CNOT1: variants seen among roughly 807,000 people sequenced by gnomAD.
The protein encoded by CNOT1 is CCR4-NOT transcription complex subunit 1, also known as CCR4-associated factor 1.
A neutral mutation model predicts 273.8 loss-of-function variants in CNOT1; 15 were observed. The observed-to-expected ratio is 0.05, with a 90% CI of 0.04 to 0.08. The LOEUF is 0.08. Ranked by LOEUF, CNOT1 falls within the 10% of genes least tolerant of loss-of-function variation. CNOT1 has a pLI of 1.00. For missense variants in CNOT1, 1,644 were observed against 2,912.2 expected (o/e 0.56, Z 10.02); for synonymous variants, 1,022 against 1,005.5 (o/e 1.02, Z -0.31).
chr16:58,580,907 A>T, intron 11 of CNOT1, 147 bp from the exon 12 acceptor site: 1 of 815,204 alleles, frequency 1.2e-6, no homozygotes, highest in Non-Finnish European at 1.8e-6. Context: ...TTTGAAAACC[A>T]CACATAATTC....
At chr16:58,599,139 T>A in intron 2 of CNOT1, 97 bp downstream of exon 2, 1 of 1,532,094 alleles carries the variant, frequency 6.5e-7, no homozygotes, top group Non-Finnish European at 8.9e-7. Context: ...CAAAAGTTAG[T>A]TACCTTTCAT....
rs1032826967 is a variant in CNOT1 at position 58,547,368 on chromosome 16, G to A, written c.3640-72C>T. 2 of 1,585,280 alleles carry A rather than the reference G, an allele frequency of 1.3e-6. No individual in the cohort carries two copies. Among genetic ancestry groups the A allele is most frequent in the Non-Finnish European group, 8.6e-7 (1 of 1,165,118 alleles). On this transcript the variant is annotated intron_variant, in intron 26 of 48. Coordinates refer to ENST00000317147, the MANE Select transcript of CNOT1 (RefSeq NM_016284.5). This position sits in a 1 kb window ranked among gnomAD's most constrained non-coding sequence, Gnocchi z 4.0. Reference sequence around the variant, plus strand: ...AATGGTATAACAAAACCAAAGAAAAGTATTTTGCCAAGCTTATCCCCAAAA... The same window carrying A: ...AATGGTATAACAAAACCAAAGAAAAATATTTTGCCAAGCTTATCCCCAAAA...
At chr16:58,602,216 G>A (rs2042491775) in intron 1 of CNOT1, among the ~76,000 whole-genome samples, 1 of 151,962 alleles carries the variant, frequency 6.6e-6, no homozygotes, top group South Asian at 2.1e-4. Flanking sequence ...TTACTGGCAT[G>A]TGCCACCACG....
chr16:58,587,768 A>G lies in CNOT1; in HGVS notation c.309+12T>C. The G allele has an allele frequency of 6.2e-7, 1 of 1,612,718 alleles. No homozygotes were observed. The highest frequency in any genetic ancestry group is 1.1e-5 in the South Asian group (1 of 90,860). The stretch of plus-strand genomic sequence containing the variant: ...GAGAGATCACACTCTTAAAGATAAT[A>G]GTAATACCAACCTTCTGATAGTGCA... On this transcript the variant is annotated intron_variant, in intron 4 of 48. Coordinates refer to ENST00000317147, the MANE Select transcript of CNOT1 (RefSeq NM_016284.5).
At chr16:58,602,951 A>AT (rs2042527723) in intron 1 of CNOT1, among the ~76,000 whole-genome samples, 1 of 152,070 alleles carries the variant, frequency 6.6e-6, no homozygotes, top group Non-Finnish European at 1.5e-5. Context: ...AGCACTCCCC[A>AT]TCTCAGTTGA....
chr16:58,562,779 C>T (rs1375692348), intron 16 of CNOT1, among the ~76,000 whole-genome samples: 3 of 152,002 alleles, frequency 2.0e-5, no homozygotes, highest in Non-Finnish European at 2.9e-5. Flanking sequence ...CCTGAGATCG[C>T]GCCACTGCAC....
At chr16:58,611,154 T>C (rs8043716) in intron 1 of CNOT1, among the ~76,000 whole-genome samples, 114,383 of 152,026 alleles carry the variant, frequency 0.75, 43,454 homozygotes, top group Middle Eastern at 0.86. Context: ...TCAGGCTGAG[T>C]GCGGTGGCTC....
At position 58,588,896 on chromosome 16, in the gene CNOT1, C is replaced by T. The variant is rs768837822; in HGVS notation, c.113G>A (p.Arg38Gln). The T allele has an allele frequency of 6.8e-6, 11 of 1,611,260 alleles. No homozygotes were observed. The highest frequency in any genetic ancestry group is 5.0e-5 in the Admixed American group (3 of 59,674). The change falls in exon 3 of 49, where the codon CGG becomes CAG. Residue 38 changes from arginine to glutamine, a missense_variant. Transcript: ENST00000317147. ...ATGCCTGTCTGCCTCAGGACCGTGC[C>T]GATTCACAATCTAAAATGACCAAAA... Reference protein sequence around the residue: ...SQQEIQHIVNRHGPEADRHLL... With the variant: ...SQQEIQHIVNQHGPEADRHLL...
chr16:58,612,554 T>C (rs1278557884), intron 1 of CNOT1, among the ~76,000 whole-genome samples: 1 of 152,004 alleles, frequency 6.6e-6, no homozygotes, highest in African/African-American at 2.4e-5. Context: ...GCCTGGTCAA[T>C]ATGGCAAAAC....
chr16:58,614,329 C>A lies in CNOT1; in HGVS notation c.-174-14818G>T, dbSNP rs1420071337. On this transcript the variant is annotated intron_variant, in intron 1 of 48. Transcript: ENST00000317147. Reference sequence around the variant, plus strand: ...GGAAGAGTTCTCACCATCCCCAGGGCTACTAAGAGTGACTCATTCGGCATA... The same window carrying A: ...GGAAGAGTTCTCACCATCCCCAGGGATACTAAGAGTGACTCATTCGGCATA... Among the ~76,000 whole-genome samples, 2 of 123,810 alleles carry A rather than the reference C, an allele frequency of 1.6e-5. 1 individual carries two copies. The highest frequency in any genetic ancestry group is 3.8e-5 in the Non-Finnish European group (2 of 52,310). 81.2% of individuals were successfully genotyped at this position (123,810 alleles called of 152,430 possible).
chr16:58,621,782 G>A (rs2152050591), intron 1 of CNOT1, among the ~76,000 whole-genome samples: 1 of 149,206 alleles, frequency 6.7e-6, no homozygotes, highest in East Asian at 2.1e-4. Flanking sequence ...AATTAGCCGG[G>A]TGCCTGTAGT....
chr16:58,564,490 C>A (rs909501207), intron 16 of CNOT1, among the ~76,000 whole-genome samples: 30 of 151,722 alleles, frequency 2.0e-4, no homozygotes, highest in African/African-American at 7.3e-4. Context: ...ATGTCCTATG[C>A]AAAAACAAAA....
At position 58,581,601 on chromosome 16, in the gene CNOT1, T is replaced by A. The variant is rs985833999; in HGVS notation, c.1045-86A>T. The A allele has an allele frequency of 6.9e-6, 10 of 1,452,382 alleles. No individual in the cohort carries two copies. The Admixed American group carries it at 2.5e-4, about 36-fold the overall frequency. 90.0% of individuals were successfully genotyped at this position (1,452,382 alleles called of 1,614,324 possible). A position where few individuals can be genotyped will look rare whatever the true frequency, so the allele number is the denominator to read the frequency against. ...CAAAAGGCCAAATTAAATCTGAAAT[T>A]CAATTTAGATGTTCTACTTACAAAA... On this transcript the variant is annotated intron_variant, in intron 10 of 48. Transcript: ENST00000317147.
chr16:58,524,451 C>T (rs1008680774), intron 46 of CNOT1, among the ~76,000 whole-genome samples: 7 of 151,828 alleles, frequency 4.6e-5, no homozygotes, highest in East Asian at 3.9e-4. Context: ...TAAAGGCTGC[C>T]GTCCTTTTAT....
intron 42 of CNOT1, 71 bp from the exon 43 acceptor site, chr16:58,530,418 C>T (rs545733301): frequency 2.7e-5 from 28 of 1,030,736 alleles, no homozygotes; most frequent in Middle Eastern, 4.2e-4. Flanking sequence ...GTCGCCCAAG[C>T]AGCTACACTG....
intron 39 of CNOT1, among the ~76,000 whole-genome samples, chr16:58,535,271 G>A (rs1007115686): frequency 6.6e-6 from 1 of 152,176 alleles, no homozygotes; most frequent in Non-Finnish European, 1.5e-5. Context: ...GAACTGGTTG[G>A]ACTACGATAA....
chr16:58,534,001 A>T, intron 40 of CNOT1, 146 bp downstream of exon 40: 1 of 1,085,184 alleles, frequency 9.2e-7, no homozygotes, highest in Non-Finnish European at 1.1e-6. Flanking sequence ...TCATGCCTGT[A>T]TTCCCAGCTA....
intron 2 of CNOT1, among the ~76,000 whole-genome samples, chr16:58,592,777 A>T (rs941824853): frequency 1.3e-5 from 2 of 152,184 alleles, no homozygotes; most frequent in African/African-American, 4.8e-5. Flanking sequence ...TGAAAGAAAA[A>T]AGTTGTCCAT....
intron 2 of CNOT1, among the ~76,000 whole-genome samples, chr16:58,593,737 T>A (rs1464110950): frequency 6.6e-6 from 1 of 151,706 alleles, no homozygotes; most frequent in East Asian, 1.9e-4. Flanking sequence ...AAAAAGTAAG[T>A]GAGGAAAAGT....
Sources: allele counts gnomAD v4.1 joint callset (sites outside exome capture counted in the v4.1 genomes callset), GRCh38; gene constraint gnomAD v4.1.1; non-coding constraint Gnocchi (gnomAD v3.1); transcripts MANE v1.5; gene names NCBI Gene and HGNC (gene_info 2026-07-23, HGNC 2026-07-21).